EDEM3: variants seen among roughly 807,000 people sequenced by gnomAD.
The protein encoded by EDEM3 is ER degradation enhancing alpha-mannosidase like protein 3, also known as ER degradation-enhancing alpha-mannosidase-like protein 3.
In EDEM3, 60 loss-of-function variants were observed where a neutral mutation model predicts 110.2. The ratio of observed to expected loss-of-function variants is 0.54; its 90% CI spans 0.44 to 0.67. The LOEUF is 0.67. EDEM3 is among the 30% of genes least tolerant of loss of function. The probability of loss-of-function intolerance (pLI) is 0.00; values close to 1 mark genes in which losing one functional copy is unlikely to be tolerated. For synonymous variants in EDEM3, 352 were observed against 382.9 expected (o/e 0.92, Z 0.94); for missense variants, 996 against 1,121.0 (o/e 0.89, Z 1.59).
intron 13 of EDEM3, among the ~76,000 whole-genome samples, chr1:184,716,495 T>C (rs1382837064): frequency 6.6e-6 from 1 of 152,168 alleles, no homozygotes; most frequent in Non-Finnish European, 1.5e-5. Flanking sequence ...TTTTGAGGAA[T>C]TCTTGGCCGA....
chr1:184,694,601 G>C, intron 19 of EDEM3, 129 bp from the exon 20 acceptor site: 1 of 866,674 alleles, frequency 1.2e-6, no homozygotes, highest in Non-Finnish European at 1.7e-6. Flanking sequence ...ATGCAGAAAG[G>C]TGAGCATCAG....
intron 19 of EDEM3, among the ~76,000 whole-genome samples, chr1:184,695,274 AT>A (rs1649269256): frequency 6.6e-6 from 1 of 152,058 alleles, no homozygotes; most frequent in Non-Finnish European, 1.5e-5. Context: ...CCAAGTCATC[AT>A]TTGCATAGTG....
At chr1:184,713,434 C>A (rs1650370869) in intron 13 of EDEM3, among the ~76,000 whole-genome samples, 1 of 152,096 alleles carries the variant, frequency 6.6e-6, no homozygotes, top group Non-Finnish European at 1.5e-5. Context: ...AATGTTTTAA[C>A]AATTTAAGAA....
intron 6 of EDEM3, among the ~76,000 whole-genome samples, chr1:184,729,846 A>T (rs764285405): frequency 5.3e-5 from 8 of 152,196 alleles, no homozygotes; most frequent in Non-Finnish European, 8.8e-5. Flanking sequence ...CCTGCTTCTC[A>T]TGTTACGGCA....
At chr1:184,697,644 A>C (rs78631885) in intron 19 of EDEM3, among the ~76,000 whole-genome samples, 1 of 151,792 alleles carries the variant, frequency 6.6e-6, no homozygotes, top group Non-Finnish European at 1.5e-5. Context: ...TTAGTAACTG[A>C]CAACTCAATT....
Position 184,692,514 on chromosome 1 carries a change from C to A in EDEM3, c.*1549G>T, listed in dbSNP as rs1041112253. ...TACACGAATATACATAACTGCAATACAGCACTGCTGTTTTTAACAGCTCCA... is the reference window on the plus strand; with the variant it reads ...TACACGAATATACATAACTGCAATAAAGCACTGCTGTTTTTAACAGCTCCA... On this transcript the variant is annotated 3_prime_UTR_variant, in exon 20 of 20. Transcript: ENST00000318130. 1.3e-5 allele frequency: 2 copies of A among 152,064 alleles called. No homozygotes were observed. The highest frequency in any genetic ancestry group is 2.9e-5 in the Non-Finnish European group (2 of 67,962). The allele number at this position is 152,064 out of a possible 1,614,324, so 9.4% of individuals were successfully genotyped here.
In EDEM3 at chr1:184,706,828, C is replaced by T; in HGVS notation, c.2038-20G>A. 1 of 1,609,994 alleles carries T rather than the reference C, an allele frequency of 6.2e-7. No individual in the cohort carries two copies. The highest frequency in any genetic ancestry group is 8.5e-7 in the Non-Finnish European group (1 of 1,177,636). On this transcript the variant is annotated intron_variant, in intron 17 of 19. Coordinates refer to ENST00000318130, the MANE Select transcript of EDEM3 (RefSeq NM_025191.4). Reference sequence around the variant, plus strand: ...TCTTGTCTGTCAGAAATAAAAGCAACTTAAATACTTTAATCTTCTCAAATG... The same window carrying T: ...TCTTGTCTGTCAGAAATAAAAGCAATTTAAATACTTTAATCTTCTCAAATG...
chr1:184,724,402 T>C (rs1651077876), intron 7 of EDEM3, among the ~76,000 whole-genome samples: 2 of 152,186 alleles, frequency 1.3e-5, no homozygotes, highest in South Asian at 4.1e-4. Context: ...GGCTACCAAA[T>C]ATTTGATAAC....
chr1:184,725,638 T>TTTA (rs1476095306), intron 7 of EDEM3, among the ~76,000 whole-genome samples: 1 of 151,904 alleles, frequency 6.6e-6, no homozygotes, highest in African/African-American at 2.4e-5. Flanking sequence ...TTGTTGAATT[T>TTTA]TTAAACATTA....
chr1:184,712,441 T>C lies in EDEM3; in HGVS notation c.1528A>G (p.Lys510Glu), dbSNP rs1041978444. The C allele has an allele frequency of 6.3e-7, 1 of 1,589,760 alleles. No individual in the cohort carries two copies. Among genetic ancestry groups the C allele is most frequent in the Non-Finnish European group, 8.5e-7 (1 of 1,173,638 alleles). ...LSTTNQSISK[K>E]NTTSEYTELD... The stretch of plus-strand genomic sequence containing the variant: ...TTCATTTAAAAACTCACTGTGTTCT[T>C]TTTAGAGATGCTTTGATTTGTAGTA... The change falls in exon 14 of 20, where the codon AAG becomes GAG. Residue 510 changes from lysine (K) to glutamate (E), a missense_variant. Lys to Glu is a moderately conservative substitution (Grantham distance 56). Coordinates refer to ENST00000318130, the MANE Select transcript of EDEM3 (RefSeq NM_025191.4).
At chr1:184,719,098 G>A in intron 11 of EDEM3, 64 bp downstream of exon 11, 1 of 911,054 alleles carries the variant, frequency 1.1e-6, no homozygotes, top group Non-Finnish European at 1.7e-6. Flanking sequence ...TAGTGTATAT[G>A]TGTACGTGTG....
intron 3 of EDEM3, among the ~76,000 whole-genome samples, 156 bp downstream of exon 3, chr1:184,737,455 T>C (rs1233771212): frequency 6.6e-6 from 1 of 152,220 alleles, no homozygotes; most frequent in Admixed American, 6.5e-5. Flanking sequence ...CTTTTATAAA[T>C]GATAACAGAA....
chr1:184,727,765 AT>A (rs1269124388), intron 6 of EDEM3, among the ~76,000 whole-genome samples: 1 of 152,114 alleles, frequency 6.6e-6, no homozygotes, highest in East Asian at 1.9e-4. Context: ...GTACCCCTCC[AT>A]CCCCTCCCAA....
At chr1:184,718,404 T>C (rs746371787) in intron 11 of EDEM3, among the ~76,000 whole-genome samples, 2 of 152,112 alleles carry the variant, frequency 1.3e-5, no homozygotes, top group East Asian at 3.8e-4. Context: ...TTATTCTGTA[T>C]GGATATGAAT....
At chr1:184,750,782 G>T (rs1384084268) in intron 1 of EDEM3, among the ~76,000 whole-genome samples, 2 of 151,996 alleles carry the variant, frequency 1.3e-5, no homozygotes, top group Non-Finnish European at 2.9e-5. Flanking sequence ...CAAAGTGCTG[G>T]GATTACAGGT....
At chr1:184,701,687 G>GA (rs1215792168) in intron 19 of EDEM3, 284 of 412,738 alleles carry the variant, frequency 6.9e-4, no homozygotes, top group South Asian at 9.3e-4. Context: ...AAGGGCCCAG[G>GA]AAAAAAAAAT....
In EDEM3 at chr1:184,692,437, G is replaced by A. The variant is rs990735021; in HGVS notation, c.*1626C>T. The A allele has an allele frequency of 6.6e-6, 1 of 151,942 alleles. No homozygotes were observed. Among genetic ancestry groups the A allele is most frequent in the African/African-American group, 2.4e-5 (1 of 41,370 alleles). 9.4% of individuals were successfully genotyped at this position (151,942 alleles called of 1,614,324 possible). ...TATTTACCTGGAATATCTGAATGCA[G>A]GTATTTATCCTCTCAGAAAAGAATA... On this transcript the variant is annotated 3_prime_UTR_variant, in exon 20 of 20. Coordinates refer to ENST00000318130, the MANE Select transcript of EDEM3 (RefSeq NM_025191.4).
chr1:184,725,519 ACATT>A (rs1486468224), intron 7 of EDEM3, among the ~76,000 whole-genome samples: 1 of 152,096 alleles, frequency 6.6e-6, no homozygotes, highest in Non-Finnish European at 1.5e-5. Context: ...ATACAGACAT[ACATT>A]CAAAGGCATA....
chr1:184,722,843 C>T (rs1650976822), intron 8 of EDEM3, among the ~76,000 whole-genome samples: 1 of 151,506 alleles, frequency 6.6e-6, no homozygotes. Flanking sequence ...AATTTATTTC[C>T]ATTCATCTAT....
Sources: gnomAD v4.1 joint callset for allele counts (sites outside exome capture counted in the v4.1 genomes callset) on GRCh38, gnomAD v4.1.1 for gene constraint, MANE v1.5 for transcripts, NCBI Gene and HGNC (gene_info 2026-07-23, HGNC 2026-07-21) for gene names.